STARD13: variants seen among roughly 807,000 people sequenced by gnomAD.
STARD13 encodes the protein stAR-related lipid transfer protein 13.
A neutral mutation model predicts 106.4 loss-of-function variants in STARD13; 62 were observed. The ratio of observed to expected loss-of-function variants is 0.58; its 90% CI spans 0.48 to 0.72. The LOEUF (loss-of-function observed/expected upper bound fraction) is 0.72. STARD13 is among the 30% of genes least tolerant of loss of function. The pLI, the probability that STARD13 is intolerant of heterozygous loss-of-function variation, is 0.00. For missense variants in STARD13, 1,387 were observed against 1,424.0 expected (o/e 0.97, Z 0.42); for synonymous variants, 565 against 553.0 (o/e 1.02, Z -0.31).
the STARD13 span, among the ~76,000 whole-genome samples, chr13:33,568,544 T>C: frequency 4.7e-5 from 7 of 147,996 alleles, 1 homozygote; most frequent in African/African-American, 1.7e-4. Flanking sequence ...TTAATTTCAC[T>C]TGACATCTAA....
At chr13:33,151,347 T>A (rs943146313) in intron 3 of STARD13, among the ~76,000 whole-genome samples, 2 of 152,192 alleles carry the variant, frequency 1.3e-5, no homozygotes, top group African/African-American at 4.8e-5. Flanking sequence ...AATCTTACCA[T>A]GACAGCAGAA....
chr13:33,588,074 T>C, the STARD13 span, among the ~76,000 whole-genome samples: 1 of 152,176 alleles, frequency 6.6e-6, no homozygotes, highest in African/African-American at 2.4e-5. Flanking sequence ...TCTCTACCCA[T>C]TTATCATTTA....
the STARD13 span, among the ~76,000 whole-genome samples, chr13:33,499,603 CTTTCTTCTTCTT>C: frequency 0.042 from 1,968 of 47,130 alleles, 185 homozygotes; most frequent in Middle Eastern, 0.075. Flanking sequence ...TCTTCTTCTT[CTTTCTTCTTCTT>C]CTTCTTCTTC....
the STARD13 span, among the ~76,000 whole-genome samples, chr13:33,506,889 A>G: frequency 2.6e-5 from 4 of 152,138 alleles, no homozygotes; most frequent in Non-Finnish European, 5.9e-5. Context: ...AGATGGGAGG[A>G]TCCCTTGAAC....
Position 33,105,497 on chromosome 13 carries a change from G to C in STARD13, c.*96C>G. ...TTTTAGGCATTAACCGCGTCCTTCAGTTCCTCTTTCTCTCGCTTTCTCACA... is the reference window on the plus strand; with the variant it reads ...TTTTAGGCATTAACCGCGTCCTTCACTTCCTCTTTCTCTCGCTTTCTCACA... On this transcript the variant is annotated 3_prime_UTR_variant, in exon 14 of 14. Transcript: ENST00000336934. 1 of 872,100 alleles carries C rather than the reference G, an allele frequency of 1.1e-6. No homozygotes were observed. The highest frequency in any genetic ancestry group is 2.4e-5 in the East Asian group (1 of 41,036). 54.0% of individuals were successfully genotyped at this position (872,100 alleles called of 1,614,324 possible). A position where few individuals can be genotyped will look rare whatever the true frequency, so the allele number is the denominator to read the frequency against.
the STARD13 span, among the ~76,000 whole-genome samples, chr13:33,422,799 C>T: frequency 6.6e-6 from 1 of 152,170 alleles, no homozygotes; most frequent in East Asian, 1.9e-4. Flanking sequence ...CACACATCTA[C>T]AACCATCTGA....
chr13:33,375,158 C>T, the STARD13 span, among the ~76,000 whole-genome samples: 55 of 152,212 alleles, frequency 3.6e-4, no homozygotes, highest in Non-Finnish European at 6.2e-4. Context: ...ATAGAATGGG[C>T]AGAGACAGAC....
chr13:33,332,799 T>C (rs1489292290), intron 1 of STARD13, among the ~76,000 whole-genome samples: 1 of 152,220 alleles, frequency 6.6e-6, no homozygotes, highest in East Asian at 1.9e-4. Context: ...TATTATTGTT[T>C]CCACCACTTG....
chr13:33,570,242 G>C, the STARD13 span, among the ~76,000 whole-genome samples: 1 of 147,806 alleles, frequency 6.8e-6, no homozygotes, highest in Admixed American at 7.0e-5. Flanking sequence ...GAGGAAGTCA[G>C]AATCTCTAAA....
intron 1 of STARD13, among the ~76,000 whole-genome samples, chr13:33,185,521 G>A (rs1225741298): frequency 6.6e-6 from 1 of 152,148 alleles, no homozygotes; most frequent in Non-Finnish European, 1.5e-5. Context: ...AGGACACTAT[G>A]AAATTCTTAA....
At chr13:33,307,243 T>C (rs1335163642) in intron 1 of STARD13, among the ~76,000 whole-genome samples, 1 of 152,170 alleles carries the variant, frequency 6.6e-6, no homozygotes, top group African/African-American at 2.4e-5. Flanking sequence ...TGGAAGACAG[T>C]GTGGCAATTC....
In STARD13 at chr13:33,130,222, C is replaced by G; in HGVS notation, c.455G>C (p.Arg152Thr). The G allele has an allele frequency of 6.2e-7, 1 of 1,610,610 alleles. No homozygotes were observed. The highest frequency in any genetic ancestry group is 1.7e-5 in the Admixed American group (1 of 60,014). ...GTAGAGGTCGTCCACACGAGACCAC[C>G]TGCGACTGGTTCTTTGGAAAGTCCA... ...NKWTFQRTSRRWSRVDDLYTL... is the reference protein window; with the variant it reads ...NKWTFQRTSRTWSRVDDLYTL... The change falls in exon 5 of 14, where the codon AGG becomes ACG. Residue 152 changes from arginine (R) to threonine (T), a missense_variant. Coordinates refer to ENST00000336934, the MANE Select transcript of STARD13 (RefSeq NM_178006.4). This position sits in a 1 kb window ranked among gnomAD's most constrained non-coding sequence, Gnocchi z 4.1.
At chr13:33,528,212 A>ATGTGTG in the STARD13 span, among the ~76,000 whole-genome samples, 5 of 126,094 alleles carry the variant, frequency 4.0e-5, no homozygotes, top group African/African-American at 1.9e-4. Context: ...ATACAGATAC[A>ATGTGTG]TGTGTGTGTG....
chr13:33,651,437 G>A, the STARD13 span, among the ~76,000 whole-genome samples: 3 of 152,182 alleles, frequency 2.0e-5, no homozygotes, highest in Non-Finnish European at 4.4e-5. Context: ...GCATAGGATA[G>A]TCCCATTTCA....
chr13:33,489,266 T>C, the STARD13 span, among the ~76,000 whole-genome samples: 1 of 152,236 alleles, frequency 6.6e-6, no homozygotes, highest in East Asian at 1.9e-4. Context: ...TATCAAGTTA[T>C]ATAATCTATA....
the STARD13 span, among the ~76,000 whole-genome samples, chr13:33,360,331 A>G: frequency 4.0e-5 from 6 of 151,866 alleles, no homozygotes; most frequent in African/African-American, 1.5e-4. Flanking sequence ...CAGCCTCCCA[A>G]GTAGCTGGGA....
chr13:33,218,792 A>C (rs553496548), intron 1 of STARD13, among the ~76,000 whole-genome samples: 23 of 152,246 alleles, frequency 1.5e-4, no homozygotes, highest in Non-Finnish European at 3.1e-4. Flanking sequence ...AGTAGTTTAT[A>C]TATTTGTGAA....
intron 1 of STARD13, among the ~76,000 whole-genome samples, chr13:33,227,070 A>T (rs1888663157): frequency 1.3e-5 from 2 of 152,178 alleles, no homozygotes; most frequent in South Asian, 4.1e-4. Flanking sequence ...GTTTTCAGCA[A>T]AGCAAACTTC....
the STARD13 span, among the ~76,000 whole-genome samples, chr13:33,580,381 G>T: frequency 2.0e-5 from 3 of 152,066 alleles, no homozygotes; most frequent in African/African-American, 7.2e-5. Flanking sequence ...AGTGGTTGCC[G>T]TGGGCTTAGT....
Sources: allele counts gnomAD v4.1 joint callset (sites outside exome capture counted in the v4.1 genomes callset), GRCh38; gene constraint gnomAD v4.1.1; non-coding constraint Gnocchi (gnomAD v3.1); transcripts MANE v1.5; gene names NCBI Gene and HGNC (gene_info 2026-07-23, HGNC 2026-07-21).